NRF1: variants seen among roughly 807,000 people sequenced by gnomAD.
The protein encoded by NRF1 is nuclear respiratory factor 1, also known as alpha palindromic-binding protein.
NRF1 carries 5 observed loss-of-function variants against 58.5 expected under a neutral mutation model. The observed-to-expected ratio is 0.09, with a 90% CI of 0.04 to 0.18. The LOEUF (loss-of-function observed/expected upper bound fraction) is 0.18, where lower values mean the gene tolerates loss of function less well. NRF1 is among the 10% of genes least tolerant of loss of function. NRF1 has a pLI of 1.00. For missense variants in NRF1, 288 were observed against 657.7 expected (o/e 0.44, Z 6.15); for synonymous variants, 224 against 246.7 (o/e 0.91, Z 0.86).
At chr7:129,622,026 C>T (rs1250683285) in intron 1 of NRF1, among the ~76,000 whole-genome samples, 1 of 151,892 alleles carries the variant, frequency 6.6e-6, no homozygotes, top group Admixed American at 6.6e-5. Flanking sequence ...TGTAATCTGC[C>T]CGCCTCGGCC....
At chr7:129,691,555 G>A (rs569683192) in intron 5 of NRF1, among the ~76,000 whole-genome samples, 2 of 151,422 alleles carry the variant, frequency 1.3e-5, no homozygotes, top group East Asian at 3.9e-4. Flanking sequence ...GGGTTTTGCT[G>A]TGTTAGCCAG....
intron 1 of NRF1, among the ~76,000 whole-genome samples, chr7:129,616,917 G>A (rs1195708672): frequency 6.6e-6 from 1 of 152,204 alleles, no homozygotes; most frequent in Non-Finnish European, 1.5e-5. Context: ...AGTTTTGTAG[G>A]TTGGGATGAT....
rs962573896 is a variant in NRF1 at position 129,755,544 on chromosome 7, TAC to T, written c.*365_*366del. On this transcript the variant is annotated 3_prime_UTR_variant, in exon 11 of 11. Coordinates refer to ENST00000393232, the MANE Select transcript of NRF1 (RefSeq NM_005011.5). The surrounding 1 kb of genome is among the most constrained non-coding windows in gnomAD (Gnocchi z 5.8). ...TTTACATATATATAAAGTATATATATACATATATATATATATATATGTATGAA... is the reference window on the plus strand; with the variant it reads ...TTTACATATATATAAAGTATATATATATATATATATATATATATGTATGAA... 5 of 3,266 alleles carry T rather than the reference TAC, an allele frequency of 1.5e-3. No individual in the cohort carries two copies. The highest frequency in any genetic ancestry group is 3.1e-3 in the Non-Finnish European group (3 of 968). 0.2% of individuals were successfully genotyped at this position (3,266 alleles called of 1,614,324 possible).
At chr7:129,747,099 T>C (rs1267409027) in intron 10 of NRF1, among the ~76,000 whole-genome samples, 2 of 152,160 alleles carry the variant, frequency 1.3e-5, no homozygotes, top group Non-Finnish European at 2.9e-5. Context: ...AGCCCTGTGC[T>C]CTGCCTGGCT....
chr7:129,643,532 T>G (rs1801340109), intron 1 of NRF1, among the ~76,000 whole-genome samples: 1 of 152,242 alleles, frequency 6.6e-6, no homozygotes, highest in African/African-American at 2.4e-5. Flanking sequence ...AAAAGAGCCA[T>G]GCCAGCTGCA....
chr7:129,653,449 G>A (rs933129016), intron 1 of NRF1, among the ~76,000 whole-genome samples: 3 of 152,056 alleles, frequency 2.0e-5, no homozygotes, highest in African/African-American at 2.4e-5. Context: ...ACATTGACAC[G>A]TCATTATTAC....
At chr7:129,653,340 G>T (rs1373571517) in intron 1 of NRF1, among the ~76,000 whole-genome samples, 1 of 152,158 alleles carries the variant, frequency 6.6e-6, no homozygotes, top group Non-Finnish European at 1.5e-5. Flanking sequence ...GGAAGATACA[G>T]ATAATTCCCA....
chr7:129,676,915 T>G (rs1364175610), intron 3 of NRF1, among the ~76,000 whole-genome samples: 20 of 151,016 alleles, frequency 1.3e-4, no homozygotes, highest in Admixed American at 1.3e-3. Flanking sequence ...ATATAAACAA[T>G]CAATAAAAGA....
chr7:129,713,029 C>G (rs1803110233), intron 8 of NRF1, among the ~76,000 whole-genome samples: 1 of 151,482 alleles, frequency 6.6e-6, no homozygotes, highest in Non-Finnish European at 1.5e-5. Flanking sequence ...AACTTCGTTT[C>G]CTTCTGTATA....
intron 4 of NRF1, among the ~76,000 whole-genome samples, chr7:129,681,841 C>CT (rs55714043): frequency 1 from 151,733 of 151,944 alleles, 75,761 homozygotes; most frequent in Middle Eastern, 1. Flanking sequence ...AATCCCAGCA[C>CT]TTGGAAGGCT....
At chr7:129,619,421 TATATATATATATACAC>T (rs1209469228) in intron 1 of NRF1, among the ~76,000 whole-genome samples, 1 of 95,804 alleles carries the variant, frequency 1.0e-5, no homozygotes, top group African/African-American at 5.7e-5. Context: ...TATATATATA[TATATATATATATACAC>T]ACACACACAC....
intron 1 of NRF1, among the ~76,000 whole-genome samples, chr7:129,618,577 C>T (rs1027013406): frequency 6.6e-6 from 1 of 152,132 alleles, no homozygotes; most frequent in African/African-American, 2.4e-5. Flanking sequence ...CACCTGTGGT[C>T]TCAGCTACTC....
chr7:129,707,420 G>A (rs1032138743), intron 5 of NRF1, among the ~76,000 whole-genome samples: 1 of 152,178 alleles, frequency 6.6e-6, no homozygotes, highest in Non-Finnish European at 1.5e-5. Flanking sequence ...AGAAAAGGGA[G>A]TTTATGAAAG....
intron 9 of NRF1, among the ~76,000 whole-genome samples, chr7:129,725,308 G>A (rs1231633322): frequency 2.0e-5 from 3 of 151,644 alleles, no homozygotes; most frequent in Non-Finnish European, 4.4e-5. Context: ...TTTTCAAACT[G>A]TACAGTACAA....
chr7:129,707,642 T>A (rs919025020), intron 5 of NRF1, among the ~76,000 whole-genome samples: 9 of 152,186 alleles, frequency 5.9e-5, no homozygotes, highest in Non-Finnish European at 1.2e-4. Context: ...AGCCAGCTGA[T>A]GGGTTTTTAA....
intron 10 of NRF1, chr7:129,744,294 C>A: frequency 1.4e-6 from 2 of 1,391,816 alleles, no homozygotes; most frequent in South Asian, 1.2e-5. Context: ...GGCTGTCATT[C>A]CAGGCGCTGC....
At chr7:129,724,899 C>T (rs1442560179) in intron 9 of NRF1, among the ~76,000 whole-genome samples, 1 of 152,128 alleles carries the variant, frequency 6.6e-6, no homozygotes, top group Non-Finnish European at 1.5e-5. Flanking sequence ...AATGTAATGA[C>T]ATTGGATTTG....
chr7:129,709,055 A>G lies in NRF1; in HGVS notation c.607-20A>G. ...CAGATGTCTTTCATGAGTATTGATG[A>G]CCACACTGTTCTCTTCCAGGCCCAG... On this transcript the variant is annotated intron_variant, in intron 5 of 10. Transcript: ENST00000393232. 1 of 1,465,768 alleles carries G rather than the reference A, an allele frequency of 6.8e-7. No homozygotes were observed. The highest frequency in any genetic ancestry group is 9.1e-7 in the Non-Finnish European group (1 of 1,099,820). The allele number at this position is 1,465,768 out of a possible 1,614,324, so 90.8% of individuals were successfully genotyped here.
chr7:129,692,165 A>G (rs1802584734), intron 5 of NRF1, among the ~76,000 whole-genome samples: 1 of 152,022 alleles, frequency 6.6e-6, no homozygotes, highest in Admixed American at 6.6e-5. Flanking sequence ...CATTCTTCTC[A>G]CTTCCCATCA....
Sources: gnomAD v4.1 joint callset for allele counts (sites outside exome capture counted in the v4.1 genomes callset) on GRCh38, gnomAD v4.1.1 for gene constraint, Gnocchi (gnomAD v3.1) non-coding constraint, MANE v1.5 for transcripts, NCBI Gene and HGNC (gene_info 2026-07-23, HGNC 2026-07-21) for gene names.